GPD1: variants seen among roughly 807,000 people sequenced by gnomAD.
The protein encoded by GPD1 is glycerol-3-phosphate dehydrogenase 1, also known as glycerol-3-phosphate dehydrogenase [NAD(+)], cytoplasmic.
A neutral mutation model predicts 34.4 loss-of-function variants in GPD1; 19 were observed. The ratio of observed to expected loss-of-function variants is 0.55; its 90% CI spans 0.39 to 0.81. GPD1 has a LOEUF of 0.81. GPD1 is among the 30% of genes least tolerant of loss of function. GPD1 has a pLI of 0.00. For missense variants in GPD1, 429 were observed against 447.0 expected (o/e 0.96, Z 0.36); for synonymous variants, 172 against 174.1 (o/e 0.99, Z 0.09).
At chr12:50,104,444 G>A (rs1950963517) in intron 1 of GPD1, 130 bp from the exon 2 acceptor site, 1 of 758,240 alleles carries the variant, frequency 1.3e-6, no homozygotes, top group Admixed American at 1.9e-5. Context: ...CATGGGAGTG[G>A]AGGTGATAAG....
intron 2 of GPD1, 148 bp from the exon 3 acceptor site, chr12:50,105,400 C>T: frequency 1.4e-6 from 1 of 723,246 alleles, no homozygotes; most frequent in Admixed American, 2.8e-5. Flanking sequence ...TCTTATTCCT[C>T]CAAGTTCAGT....
chr12:50,107,090 A>G (rs1209238753), intron 5 of GPD1, 173 bp downstream of exon 5: 2 of 699,820 alleles, frequency 2.9e-6, no homozygotes, highest in Non-Finnish European at 5.2e-6. Context: ...AGGGCCATTC[A>G]GGCCGGCTGA....
intron 5 of GPD1, 177 bp downstream of exon 5, chr12:50,107,094 C>T (rs754553389): frequency 4.4e-5 from 31 of 699,182 alleles, no homozygotes; most frequent in South Asian, 3.7e-4. Context: ...CCATTCAGGC[C>T]GGCTGATTAT....
rs916796991 is a variant in GPD1, at chr12:50,111,242, C to T, written c.*1723C>T. On this transcript the variant is annotated 3_prime_UTR_variant, in exon 8 of 8. Coordinates refer to ENST00000301149, the MANE Select transcript of GPD1 (RefSeq NM_005276.4). The surrounding 1 kb of genome is among the most constrained non-coding windows in gnomAD (Gnocchi z 4.1). Reference sequence around the variant, plus strand: ...CACTTTGCCTACTTTTGTTCACTCCCCAGTGCACTGTGACTCAGGCCTTCC... The same window carrying T: ...CACTTTGCCTACTTTTGTTCACTCCTCAGTGCACTGTGACTCAGGCCTTCC... 6.6e-6 allele frequency: 1 copy of T among 152,212 alleles called. No individual in the cohort carries two copies. The highest frequency in any genetic ancestry group is 2.4e-5 in the African/African-American group (1 of 41,440). 9.4% of individuals were successfully genotyped at this position (152,212 alleles called of 1,614,324 possible).
chr12:50,106,321 A>G lies in GPD1; in HGVS notation c.394A>G (p.Ile132Val), dbSNP rs148266895. 1.1e-5 allele frequency: 17 copies of G among 1,613,182 alleles called. No individual in the cohort carries two copies. The African/African-American group carries it at 2.1e-4, about 20-fold the overall frequency. Residue 132 changes from isoleucine to valine, a missense_variant, in exon 4 of 8, where the codon ATC (isoleucine) becomes GTC (valine). Coordinates refer to ENST00000301149, the MANE Select transcript of GPD1 (RefSeq NM_005276.4). ...CGAGGGCCCCAATGGGCTGAAGCTC[A>G]TCTCGGAAGTGATTGGGGAGCGCCT... is the stretch of plus-strand genomic sequence containing the variant. ...VDEGPNGLKL[I>V]SEVIGERLGI... is the part of the protein sequence containing the mutation.
Position 50,104,570 on chromosome 12 carries a change from C to T in GPD1, c.42-4C>T. ...GTACTTTCCTGTGCTCCCCCTCCCA[C>T]CAGGGGCTCAGCCATCGCCAAGATC... On this transcript the variant is annotated splice_polypyrimidine_tract_variant and splice_region_variant and intron_variant, in intron 1 of 7. Coordinates refer to ENST00000301149, the MANE Select transcript of GPD1 (RefSeq NM_005276.4). 2 of 1,611,970 alleles carry T rather than the reference C, an allele frequency of 1.2e-6. No individual in the cohort carries two copies. The highest frequency in any genetic ancestry group is 1.7e-6 in the Non-Finnish European group (2 of 1,178,106).
chr12:50,104,893 G>A (rs893934689), intron 2 of GPD1, 142 bp downstream of exon 2: 1 of 664,288 alleles, frequency 1.5e-6, no homozygotes. Context: ...GGGCTGCTCT[G>A]GGCCCTTTCC....
At position 50,106,308 on chromosome 12, in the gene GPD1, T is replaced by C. The variant is rs1950977713; in HGVS notation, c.381T>C (p.Asn127=). 1.2e-6 allele frequency: 2 copies of C among 1,612,380 alleles called. No homozygotes were observed. Among genetic ancestry groups the C allele is most frequent in the Non-Finnish European group, 1.7e-6 (2 of 1,179,414 alleles). ...SLIKGVDEGP[N]GLKLISEVIG... ...CTCAGGGGGTAGACGAGGGCCCCAA[T>C]GGGCTGAAGCTCATCTCGGAAGTGA... The change falls in exon 4 of 8, where the codon AAT becomes AAC. Residue 127 remains asparagine (N), a synonymous_variant. Coordinates refer to ENST00000301149, the MANE Select transcript of GPD1 (RefSeq NM_005276.4).
chr12:50,104,654 T>C lies in GPD1; in HGVS notation c.122T>C (p.Phe41Ser). 1 of 1,613,622 alleles carries C rather than the reference T, an allele frequency of 6.2e-7. No homozygotes were observed. The highest frequency in any genetic ancestry group is 1.1e-5 in the South Asian group (1 of 91,074). The change falls in exon 2 of 8, where the codon TTT becomes TCT. Residue 41 changes from phenylalanine (F) to serine (S), a missense_variant. Transcript: ENST00000301149. ...QFDPRVTMWV[F>S]EEDIGGKKLT... Reference sequence around the variant, plus strand: ...GACCCACGGGTGACCATGTGGGTATTTGAGGAAGACATTGGAGGCAAAAAG... The same window carrying C: ...GACCCACGGGTGACCATGTGGGTATCTGAGGAAGACATTGGAGGCAAAAAG...
intron 5 of GPD1, 110 bp from the exon 6 acceptor site, chr12:50,107,457 T>C: frequency 1.1e-6 from 1 of 872,500 alleles, no homozygotes; most frequent in African/African-American, 1.6e-5. Context: ...CCACACACTA[T>C]ACCTCTCTTC....
At chr12:50,108,423 A>G (rs538954888) in intron 7 of GPD1, among the ~76,000 whole-genome samples, 8 of 152,160 alleles carry the variant, frequency 5.3e-5, no homozygotes, top group Non-Finnish European at 1.2e-4. Flanking sequence ...CTGGGGCAGC[A>G]GGAATAAGCT....
At chr12:50,107,998 A>G in intron 6 of GPD1, 26 bp from the exon 7 acceptor site, 1 of 1,459,396 alleles carries the variant, frequency 6.9e-7, no homozygotes, top group Non-Finnish European at 9.6e-7. Flanking sequence ...TCCCATTTCC[A>G]TCCACTCATC....
intron 7 of GPD1, 125 bp from the exon 8 acceptor site, chr12:50,109,298 C>G: frequency 1.6e-6 from 1 of 643,972 alleles, no homozygotes; most frequent in Non-Finnish European, 2.8e-6. Flanking sequence ...TAGAAACTCA[C>G]AGCCATCCTT....
chr12:50,109,279 C>T (rs1261529507), intron 7 of GPD1, 144 bp from the exon 8 acceptor site: 1 of 613,890 alleles, frequency 1.6e-6, no homozygotes, highest in East Asian at 2.8e-5. Context: ...AGTTCACATT[C>T]TCAGAAGGTA....
chr12:50,105,448 C>T (rs1385440001), intron 2 of GPD1, 100 bp from the exon 3 acceptor site: 28 of 1,243,834 alleles, frequency 2.3e-5, no homozygotes, highest in Non-Finnish European at 3.2e-5. Flanking sequence ...TTCCTGCTCC[C>T]CTACCAGCCT....
rs747791923 is a variant in GPD1, at chr12:50,108,021, C to T, written c.847-3C>T. The T allele has an allele frequency of 1.3e-6, 2 of 1,594,398 alleles. No individual in the cohort carries two copies. Among genetic ancestry groups the T allele is most frequent in the Non-Finnish European group, 1.7e-6 (2 of 1,163,516 alleles). On this transcript the variant is annotated splice_polypyrimidine_tract_variant and splice_region_variant and intron_variant, in intron 6 of 7. Coordinates refer to ENST00000301149, the MANE Select transcript of GPD1 (RefSeq NM_005276.4). ...CCATCCACTCATCCTGTTTTCTGCACAGTCCATTGAGCAGCTGGAGAAAGA... is the reference window on the plus strand; with the variant it reads ...CCATCCACTCATCCTGTTTTCTGCATAGTCCATTGAGCAGCTGGAGAAAGA...
At position 50,109,588 on chromosome 12, in the gene GPD1, A is replaced by G; in HGVS notation, c.*69A>G. On this transcript the variant is annotated 3_prime_UTR_variant, in exon 8 of 8. Coordinates refer to ENST00000301149, the MANE Select transcript of GPD1 (RefSeq NM_005276.4). ...AGACCAGCAGAAGCCTGGGGTACCT[A>G]GTCACCAGGATCTCCAGGACTCCCA... 2.5e-6 allele frequency: 2 copies of G among 795,374 alleles called. No individual in the cohort carries two copies. The highest frequency in any genetic ancestry group is 1.4e-5 in the South Asian group (1 of 73,450). The allele number at this position is 795,374 out of a possible 1,614,324, so 49.3% of individuals were successfully genotyped here. A position where few individuals can be genotyped will look rare whatever the true frequency, so the allele number is the denominator to read the frequency against.
Position 50,106,310 on chromosome 12 carries a change from G to A in GPD1, c.383G>A (p.Gly128Glu), listed in dbSNP as rs1565747123. The change falls in exon 4 of 8, where the codon GGG (glycine) becomes GAG (glutamate). Residue 128 changes from glycine to glutamate, a missense_variant. Coordinates refer to ENST00000301149, the MANE Select transcript of GPD1 (RefSeq NM_005276.4). ...CAGGGGGTAGACGAGGGCCCCAATG[G>A]GCTGAAGCTCATCTCGGAAGTGATT... The part of the protein sequence containing the change: ...LIKGVDEGPN[G>E]LKLISEVIGE... 13 of 1,613,064 alleles carry A rather than the reference G, an allele frequency of 8.1e-6. No individual in the cohort carries two copies. The highest frequency in any genetic ancestry group is 1.1e-5 in the South Asian group (1 of 90,946).
intron 3 of GPD1, chr12:50,106,021 G>A: frequency 1.6e-6 from 1 of 624,288 alleles, no homozygotes; most frequent in Non-Finnish European, 2.9e-6. Context: ...CTGAATGGCA[G>A]TTTGTTGGGG....
Sources: allele counts gnomAD v4.1 joint callset (sites outside exome capture counted in the v4.1 genomes callset), GRCh38; gene constraint gnomAD v4.1.1; non-coding constraint Gnocchi (gnomAD v3.1); transcripts MANE v1.5; gene names NCBI Gene and HGNC (gene_info 2026-07-23, HGNC 2026-07-21).